The following GAS7 variants were observed in gnomAD, a reference collection of about 807,000 sequenced individuals.
GAS7 encodes the protein growth arrest-specific protein 7.
GAS7 carries 28 observed loss-of-function variants against 71.1 expected under a neutral mutation model. The observed-to-expected ratio is 0.39, with a 90% CI of 0.29 to 0.54. GAS7 has a LOEUF of 0.54. Ranked by LOEUF, GAS7 falls within the 20% of genes least tolerant of loss-of-function variation. The probability of loss-of-function intolerance (pLI) is 0.62; values close to 1 mark genes in which losing one functional copy is unlikely to be tolerated. For synonymous variants in GAS7, 258 were observed against 245.8 expected (o/e 1.05, Z -0.46); for missense variants, 436 against 627.8 (o/e 0.69, Z 3.27).
chr17:10,077,935 G>A (rs1437920081), intron 1 of GAS7, among the ~76,000 whole-genome samples: 1 of 152,184 alleles, frequency 6.6e-6, no homozygotes, highest in Middle Eastern at 3.2e-3. Context: ...CAGACTTGAA[G>A]AGCAACAGAC....
intron 2 of GAS7, among the ~76,000 whole-genome samples, chr17:10,007,658 T>C (rs1456039070): frequency 1.4e-5 from 2 of 147,508 alleles, no homozygotes; most frequent in Non-Finnish European, 3.0e-5. Context: ...AAAGAACAGT[T>C]TCTAAAGGAT....
intron 1 of GAS7, among the ~76,000 whole-genome samples, chr17:10,052,808 A>G (rs2073080611): frequency 6.6e-6 from 1 of 152,078 alleles, no homozygotes; most frequent in African/African-American, 2.4e-5. Context: ...CTCCTGGGCA[A>G]TTTAGCCCCT....
chr17:10,007,909 C>CCA (rs2071606594), intron 2 of GAS7, among the ~76,000 whole-genome samples: 1 of 152,064 alleles, frequency 6.6e-6, no homozygotes, highest in African/African-American at 2.4e-5. Flanking sequence ...AGCTCCCCCC[C>CCA]GCAACCACCA....
Position 9,911,648 on chromosome 17 carries a change from A to C in GAS7, c.*5580T>G. ...CTTCACCTCCAGGAAAGCCTCAACA[A>C]AAATACTCCTGAGGGGGAGACAAGA... On this transcript the variant is annotated 3_prime_UTR_variant, in exon 14 of 14. Coordinates refer to ENST00000432992, the MANE Select transcript of GAS7 (RefSeq NM_201433.2). This position sits in a 1 kb window ranked among gnomAD's most constrained non-coding sequence, Gnocchi z 4.0. 1 of 232,610 alleles carries C rather than the reference A, an allele frequency of 4.3e-6. No individual in the cohort carries two copies. Among genetic ancestry groups the C allele is most frequent in the Non-Finnish European group, 8.5e-6 (1 of 117,680 alleles). 14.4% of individuals were successfully genotyped at this position (232,610 alleles called of 1,614,324 possible). A position where few individuals can be genotyped will look rare whatever the true frequency, so the allele number is the denominator to read the frequency against.
At chr17:10,193,942 G>A (rs1047601765) in intron 1 of GAS7, among the ~76,000 whole-genome samples, 2 of 152,150 alleles carry the variant, frequency 1.3e-5, no homozygotes, top group Non-Finnish European at 2.9e-5. Context: ...CATGGCAATA[G>A]ATAAAACATC....
At chr17:9,996,948 A>G (rs1045530011) in intron 2 of GAS7, among the ~76,000 whole-genome samples, 9 of 151,040 alleles carry the variant, frequency 6.0e-5, no homozygotes, top group African/African-American at 2.2e-4. Flanking sequence ...CCAGAAGACT[A>G]TATTTTTATA....
chr17:9,996,652 T>C (rs2071058656), intron 2 of GAS7, among the ~76,000 whole-genome samples: 1 of 151,788 alleles, frequency 6.6e-6, no homozygotes, highest in Non-Finnish European at 1.5e-5. Context: ...TATTTTTTAT[T>C]TTTTGAGACA....
At chr17:10,162,489 T>C (rs1048979511) in intron 1 of GAS7, among the ~76,000 whole-genome samples, 1 of 152,202 alleles carries the variant, frequency 6.6e-6, no homozygotes, top group African/African-American at 2.4e-5. Context: ...TATCTTTTGA[T>C]TTTTTTAAAG....
At chr17:10,181,369 A>AAGAAT (rs1043094871) in intron 1 of GAS7, among the ~76,000 whole-genome samples, 7 of 151,872 alleles carry the variant, frequency 4.6e-5, no homozygotes, top group Non-Finnish European at 7.4e-5. Context: ...CAAAAAAAAA[A>AAGAAT]AGAATAGAAT....
chr17:10,017,133 AAAAT>A (rs3076181), intron 2 of GAS7, among the ~76,000 whole-genome samples: 7,302 of 132,354 alleles, frequency 0.055, 243 homozygotes, highest in African/African-American at 0.087. Context: ...CCTGTCTAAA[AAAAT>A]AAATAAATAA....
rs58362423 is a variant in GAS7, at chr17:10,077,114, A to G, written c.184-57217T>C. 8.8e-3 allele frequency among the ~76,000 whole-genome samples: 1,339 copies of G among 152,320 alleles called. 13 individuals are homozygous for G. Among genetic ancestry groups the G allele is most frequent in the African/African-American group, 0.031 (1,282 of 41,558 alleles). ...CACATAAAACTAATAAAATTTATAT[A>G]CTTTTCTCATGTTAATCTGCCTGAT... is the stretch of plus-strand genomic sequence containing the variant. On this transcript the variant is annotated intron_variant, in intron 1 of 13. Coordinates refer to ENST00000432992, the MANE Select transcript of GAS7 (RefSeq NM_201433.2).
intron 1 of GAS7, among the ~76,000 whole-genome samples, chr17:10,177,884 G>A (rs916568825): frequency 2.0e-5 from 3 of 152,124 alleles, no homozygotes; most frequent in African/African-American, 4.8e-5. Flanking sequence ...CAGCCACCCA[G>A]AGTAACAAAG....
chr17:10,083,223 T>C (rs567752637), intron 1 of GAS7, among the ~76,000 whole-genome samples: 140 of 152,360 alleles, frequency 9.2e-4, no homozygotes, highest in African/African-American at 3.1e-3. Flanking sequence ...TTAAATATTT[T>C]ATTAAAAATT....
chr17:9,956,861 T>C (rs971378137), intron 5 of GAS7, among the ~76,000 whole-genome samples: 5 of 152,136 alleles, frequency 3.3e-5, no homozygotes, highest in African/African-American at 1.2e-4. Context: ...ACCTGAGCCA[T>C]CCCTTTCGCC....
intron 1 of GAS7, among the ~76,000 whole-genome samples, chr17:10,087,265 C>T (rs1158934471): frequency 2.0e-5 from 3 of 152,210 alleles, no homozygotes; most frequent in Non-Finnish European, 4.4e-5. Context: ...GCAGGTAGCC[C>T]TCCCCACAAT....
In GAS7 at chr17:9,912,263, T is replaced by C. The variant is rs1047342; in HGVS notation, c.*4965A>G. The C allele has an allele frequency of 0.61, 142,670 of 232,578 alleles. 44,819 individuals carry two copies. Among genetic ancestry groups the C allele is most frequent in the African/African-American group, 0.78 (35,202 of 45,384 alleles). The allele number at this position is 232,578 out of a possible 1,614,324, so 14.4% of individuals were successfully genotyped here. On this transcript the variant is annotated 3_prime_UTR_variant, in exon 14 of 14. Transcript: ENST00000432992. ...GGACTTGAGGCAATTCTATGCACGATTGTGCAGATGAGAGCCAGACACAGC... is the reference window on the plus strand; with the variant it reads ...GGACTTGAGGCAATTCTATGCACGACTGTGCAGATGAGAGCCAGACACAGC...
At chr17:10,091,648 A>T (rs1431247835) in intron 1 of GAS7, among the ~76,000 whole-genome samples, 1 of 152,178 alleles carries the variant, frequency 6.6e-6, no homozygotes, top group Non-Finnish European at 1.5e-5. Context: ...GGTCTCCCAA[A>T]GTGCTAGGAT....
rs978650823 is a variant in GAS7, at chr17:10,019,901, T to C, written c.184-4A>G. The C allele has an allele frequency of 1.9e-6, 3 of 1,612,912 alleles. No homozygotes were observed. The highest frequency in any genetic ancestry group is 2.5e-6 in the Non-Finnish European group (3 of 1,179,820). On this transcript the variant is annotated splice_region_variant and splice_polypyrimidine_tract_variant and intron_variant, in intron 1 of 13. Transcript: ENST00000432992. ...GAGGGGGGACCATTCCAGGCTTCTG[T>C]TGGAGAAGAAAGAAAAGGTCACACC...
intron 1 of GAS7, among the ~76,000 whole-genome samples, chr17:10,088,441 G>C (rs189774038): frequency 6.8e-4 from 104 of 151,900 alleles, no homozygotes; most frequent in African/African-American, 2.5e-3. Flanking sequence ...CCAGGCTGAG[G>C]CAATGAGGGG....
Sources: allele counts gnomAD v4.1 joint callset (sites outside exome capture counted in the v4.1 genomes callset), GRCh38; gene constraint gnomAD v4.1.1; non-coding constraint Gnocchi (gnomAD v3.1); transcripts MANE v1.5; gene names NCBI Gene and HGNC (gene_info 2026-07-23, HGNC 2026-07-21).